Variants in TPR observed in about 807,000 individuals in gnomAD.
TPR encodes the protein nucleoprotein TPR.
In TPR, 51 loss-of-function variants were observed where a neutral mutation model predicts 316.1. That is an observed-to-expected ratio of 0.16 (90% CI 0.13 to 0.20). The LOEUF is 0.20. Ranked by LOEUF, TPR falls within the 10% of genes least tolerant of loss-of-function variation. TPR has a pLI of 1.00. For missense variants in TPR, 2,272 were observed against 2,754.8 expected (o/e 0.82, Z 3.92); for synonymous variants, 981 against 914.7 (o/e 1.07, Z -1.31).
rs758273870 is a variant in TPR at position 186,313,789 on chromosome 1, A to G, written c.*182T>C. On this transcript the variant is annotated 3_prime_UTR_variant, in exon 51 of 51. Coordinates refer to ENST00000367478, the MANE Select transcript of TPR (RefSeq NM_003292.3). Reference sequence around the variant, plus strand: ...TACAACTGTCCTTAGACTGATGAGCAAAGGAGGAGTCAACTAATGAAGAAA... The same window carrying G: ...TACAACTGTCCTTAGACTGATGAGCGAAGGAGGAGTCAACTAATGAAGAAA... 103 of 1,570,132 alleles carry G rather than the reference A, an allele frequency of 6.6e-5. No homozygotes were observed. The highest frequency in any genetic ancestry group is 8.4e-5 in the Non-Finnish European group (96 of 1,140,154).
chr1:186,326,265 A>T (rs771251464), intron 40 of TPR, 30 bp from the exon 41 acceptor site: 1 of 1,578,904 alleles, frequency 6.3e-7, no homozygotes, highest in South Asian at 1.1e-5. Context: ...GCATAAATAA[A>T]AGTTTAGAAT....
chr1:186,344,162 C>T (rs1315177372), intron 25 of TPR, 72 bp from the exon 26 acceptor site: 15 of 1,501,396 alleles, frequency 1.0e-5, no homozygotes, highest in African/African-American at 1.4e-5. Flanking sequence ...TGGCCAGGCG[C>T]GGTGGCTAAC....
chr1:186,334,249 G>C, intron 36 of TPR, 76 bp downstream of exon 36: 1 of 1,383,164 alleles, frequency 7.2e-7, no homozygotes, highest in Non-Finnish European at 9.8e-7. Context: ...TGCTTCATTT[G>C]TCTTTGAAAT....
At chr1:186,371,987 C>T (rs1245836495) in intron 2 of TPR, among the ~76,000 whole-genome samples, 2 of 152,102 alleles carry the variant, frequency 1.3e-5, no homozygotes, top group African/African-American at 2.4e-5. Context: ...TTCCTCGGCA[C>T]TACTACTAAA....
chr1:186,345,483 TTTTTGTAAGGTCCACCAG>T, intron 24 of TPR, 79 bp downstream of exon 24: 1 of 964,094 alleles, frequency 1.0e-6, no homozygotes, highest in Non-Finnish European at 1.6e-6. Flanking sequence ...TTATCTTGAA[TTTTTGTAAGGTCCACCAG>T]TTCTTATAAT....
intron 2 of TPR, among the ~76,000 whole-genome samples, chr1:186,372,591 C>CA (rs778066457): frequency 9.6e-4 from 146 of 152,232 alleles, no homozygotes; most frequent in Non-Finnish European, 1.9e-3. Context: ...GAGATCTTTC[C>CA]TAATGTTCTG....
intron 46 of TPR, 51 bp from the exon 47 acceptor site, chr1:186,318,879 T>A: frequency 6.4e-7 from 1 of 1,556,680 alleles, no homozygotes; most frequent in Non-Finnish European, 8.9e-7. Flanking sequence ...CATAAAATTA[T>A]CAACAAGTCA....
Position 186,346,186 on chromosome 1 carries a change from T to C in TPR, c.3045A>G (p.Lys1015=). The C allele has an allele frequency of 1.2e-6, 2 of 1,613,412 alleles. No homozygotes were observed. The change falls in exon 23 of 51, where the codon AAA becomes AAG. Residue 1015 remains lysine, a synonymous_variant. Coordinates refer to ENST00000367478, the MANE Select transcript of TPR (RefSeq NM_003292.3). ...EKKLMEVEKE[K]QELQDDKRRA... ...TTCTTTTATCATCCTGAAGTTCTTG[T>C]TTTTCCTTCTCTACTTCCATCAACT...
intron 3 of TPR, among the ~76,000 whole-genome samples, chr1:186,368,556 G>T (rs1659413107): frequency 1.3e-5 from 2 of 152,198 alleles, no homozygotes; most frequent in South Asian, 2.1e-4. Flanking sequence ...GTTGCAGTGA[G>T]CCAAGACTGC....
chr1:186,330,409 G>A (rs983325583), intron 39 of TPR, among the ~76,000 whole-genome samples: 9 of 152,156 alleles, frequency 5.9e-5, no homozygotes, highest in Non-Finnish European at 7.3e-5. Context: ...CCTGCTTAAA[G>A]AGGCTGCGCA....
Position 186,356,329 on chromosome 1 carries a change from A to G in TPR, c.1845T>C (p.Arg615=). 6.2e-7 allele frequency: 1 copy of G among 1,612,486 alleles called. No homozygotes were observed. Residue 615 remains arginine (R), a synonymous_variant, in exon 15 of 51, where the codon CGT becomes CGC. Coordinates refer to ENST00000367478, the MANE Select transcript of TPR (RefSeq NM_003292.3). ...DSIVRQRDMY[R]ILLSQTTGVA... ...CTCCTGTTGTTTGTGACAATAAAAT[A>G]CGGTACATATCACGCTGACGAACTA...
In TPR at chr1:186,352,043, T is replaced by C; in HGVS notation, c.2402A>G (p.Gln801Arg). The C allele has an allele frequency of 6.2e-7, 1 of 1,610,388 alleles. No homozygotes were observed. The highest frequency in any genetic ancestry group is 8.5e-7 in the Non-Finnish European group (1 of 1,178,628). ...LKLSEVRLSQQRESLLAEQRG... is the reference protein window; with the variant it reads ...LKLSEVRLSQRRESLLAEQRG... ...TTGTTCAGCTAACAAAGACTCTCTT[T>C]GCTGAGAAAGACGAACTTCAGACAA... Residue 801 changes from glutamine (Q) to arginine (R), a missense_variant, in exon 19 of 51, where the codon CAA (glutamine) becomes CGA (arginine). Transcript: ENST00000367478.
chr1:186,355,883 T>G, intron 15 of TPR, 115 bp from the exon 16 acceptor site: 2 of 1,253,326 alleles, frequency 1.6e-6, no homozygotes, highest in Middle Eastern at 2.0e-4. Context: ...CTTATTGAAA[T>G]GAAACAATAA....
chr1:186,330,206 G>A (rs559768295), intron 39 of TPR, among the ~76,000 whole-genome samples: 3 of 152,058 alleles, frequency 2.0e-5, no homozygotes, highest in South Asian at 4.2e-4. Context: ...AAGGGTTCAG[G>A]GCCTGTCTGG....
At chr1:186,368,505 G>C (rs1334784635) in intron 3 of TPR, among the ~76,000 whole-genome samples, 1 of 152,120 alleles carries the variant, frequency 6.6e-6, no homozygotes, top group Non-Finnish European at 1.5e-5. Context: ...ACCTACTCAG[G>C]AAGCTGAGGT....
chr1:186,334,252 T>A, intron 36 of TPR, 73 bp downstream of exon 36: 1 of 1,404,390 alleles, frequency 7.1e-7, no homozygotes, highest in Non-Finnish European at 9.6e-7. Flanking sequence ...TTCATTTGTC[T>A]TTGAAATTAC....
chr1:186,366,163 T>A (rs547282262), intron 4 of TPR, among the ~76,000 whole-genome samples: 1 of 152,282 alleles, frequency 6.6e-6, no homozygotes, highest in South Asian at 2.1e-4. Context: ...GAAATTAGGC[T>A]GTATTTCGTA....
chr1:186,351,278 T>A, intron 20 of TPR, 52 bp downstream of exon 20: 3 of 1,516,812 alleles, frequency 2.0e-6, no homozygotes, highest in Non-Finnish European at 2.6e-6. Context: ...CACACCAGAT[T>A]AATTACTGAA....
intron 35 of TPR, 58 bp downstream of exon 35, chr1:186,335,010 T>C: frequency 2.0e-6 from 3 of 1,522,402 alleles, no homozygotes; most frequent in Non-Finnish European, 2.7e-6. Context: ...GAAAGATCAC[T>C]AGATATTCCC....
Sources: allele counts gnomAD v4.1 joint callset (sites outside exome capture counted in the v4.1 genomes callset), GRCh38; gene constraint gnomAD v4.1.1; transcripts MANE v1.5; gene names NCBI Gene and HGNC (gene_info 2026-07-23, HGNC 2026-07-21).